SOD2: variants seen among roughly 807,000 people sequenced by gnomAD.
SOD2 encodes the protein superoxide dismutase 2, also known as superoxide dismutase [Mn], mitochondrial.
Under a neutral mutation model 27.0 loss-of-function variants are expected in SOD2, and 11 were observed. The observed-to-expected ratio is 0.41, with a 90% CI of 0.26 to 0.67. SOD2 has a LOEUF of 0.67. SOD2 is among the 30% of genes least tolerant of loss of function. The probability of loss-of-function intolerance (pLI) is 0.34; values close to 1 mark genes in which losing one functional copy is unlikely to be tolerated. For synonymous variants in SOD2, 105 were observed against 103.0 expected, an observed-to-expected ratio of 1.02 and a Z score of -0.12; for missense variants, 250 against 274.5, an observed-to-expected ratio of 0.91 and a Z score of 0.63.
chr6:159,742,918 A>C (rs1779350641), intron 1 of SOD2, among the ~76,000 whole-genome samples: 1 of 152,068 alleles, frequency 6.6e-6, no homozygotes, highest in Admixed American at 6.6e-5. Context: ...CAGGAGGATC[A>C]CTAGAGCCCG....
At chr6:159,701,437 A>G (rs369123682) in intron 1 of SOD2, among the ~76,000 whole-genome samples, 44 of 152,110 alleles carry the variant, frequency 2.9e-4, no homozygotes, top group African/African-American at 8.0e-4. Context: ...TGGGCGTGAT[A>G]GCACATGCCT....
intron 3 of SOD2, among the ~76,000 whole-genome samples, chr6:159,687,252 A>C (rs1028091006): frequency 5.3e-5 from 8 of 152,172 alleles, no homozygotes; most frequent in Non-Finnish European, 1.2e-4. Flanking sequence ...TGGGAGGCCA[A>C]GGTGGGTGGA....
chr6:159,732,635 G>C (rs527353223), intron 1 of SOD2, among the ~76,000 whole-genome samples: 1 of 152,276 alleles, frequency 6.6e-6, no homozygotes, highest in East Asian at 1.9e-4. Flanking sequence ...AGGAGTTCGA[G>C]ACCAGCCTGG....
chr6:159,762,197 A>G, exon 1 of SOD2: 1 of 1,568,778 alleles, frequency 6.4e-7, no homozygotes, highest in Admixed American at 1.8e-5. Flanking sequence ...CTTCGGCAGG[A>G]GCGCCGAGGG....
At chr6:159,749,320 A>G (rs1779737811), upstream of SOD2, 4 of 985,874 alleles carry the variant, frequency 4.1e-6, no homozygotes, top group Non-Finnish European at 4.8e-6. Context: ...CACATGTTTA[A>G]AAGAGCTTTG....
Position 159,713,996 on chromosome 6 carries a change from G to A in SOD2, c.-116+13133C>T, listed in dbSNP as rs577972039. On this transcript the variant is annotated intron_variant, in intron 1 of 2. Coordinates refer to the SOD2 transcript ENST00000401980. ...TTCCGTGCTCAGCATCGTGGCGACTGTTGAGCTCTTGGTGGCAAGTTTGGC... is the reference window on the plus strand; with the variant it reads ...TTCCGTGCTCAGCATCGTGGCGACTATTGAGCTCTTGGTGGCAAGTTTGGC... 19 of 774,262 alleles carry A rather than the reference G, an allele frequency of 2.5e-5. No individual in the cohort carries two copies. The South Asian group carries it at 2.8e-4, about 11-fold the overall frequency. The allele number at this position is 774,262 out of a possible 1,614,324, so 48.0% of individuals were successfully genotyped here. A position where few individuals can be genotyped will look rare whatever the true frequency, so the allele number is the denominator to read the frequency against.
chr6:159,680,689 A>C lies in SOD2; in HGVS notation c.*1804T>G, dbSNP rs1366281198. 1 of 152,180 alleles carries C rather than the reference A, an allele frequency of 6.6e-6. No homozygotes were observed. The highest frequency in any genetic ancestry group is 1.5e-5 in the Non-Finnish European group (1 of 68,052). The allele number at this position is 152,180 out of a possible 1,614,324, so 9.4% of individuals were successfully genotyped here. A position where few individuals can be genotyped will look rare whatever the true frequency, so the allele number is the denominator to read the frequency against. On this transcript the variant is annotated 3_prime_UTR_variant, in exon 5 of 5. Transcript: ENST00000538183. ...AGTGGCTCACACCTGTAATCCCAGC[A>C]CTTTGGGAGGCTGAGCCAGACGGAT...
intron 1 of SOD2, among the ~76,000 whole-genome samples, chr6:159,744,095 G>T (rs866768284): frequency 5.9e-5 from 9 of 152,072 alleles, no homozygotes; most frequent in South Asian, 2.1e-4. Context: ...ATCAATAAAA[G>T]AACATTTGCT....
At position 159,712,067 on chromosome 6, in the gene SOD2, CGG is replaced by C. The variant is rs1562438086; in HGVS notation, c.-116+15060_-116+15061del. Reference sequence around the variant, plus strand: ...CATAACCACCTCCATAACCACCACTCGGCTGCTCAGACCTCCATAACCACCTC... The same window carrying C: ...CATAACCACCTCCATAACCACCACTCCTGCTCAGACCTCCATAACCACCTC... On this transcript the variant is annotated intron_variant, in intron 1 of 2. Transcript: ENST00000401980. Among the ~76,000 whole-genome samples, 254 of 25,582 alleles carry C rather than the reference CGG, an allele frequency of 9.9e-3. 19 individuals are homozygous for C. Among genetic ancestry groups the C allele is most frequent in the Middle Eastern group, 0.031 (1 of 32 alleles). 16.8% of individuals were successfully genotyped at this position (25,582 alleles called of 152,430 possible). A position where few individuals can be genotyped will look rare whatever the true frequency, so the allele number is the denominator to read the frequency against.
chr6:159,743,645 AT>A (rs575642633), intron 1 of SOD2: 778 of 1,549,022 alleles, frequency 5.0e-4, no homozygotes, highest in South Asian at 1.3e-3. Context: ...TGTATTTATA[AT>A]TTTTTTTTGA....
chr6:159,759,559 A>G (rs1166033980), intron 1 of SOD2, among the ~76,000 whole-genome samples: 4 of 151,494 alleles, frequency 2.6e-5, no homozygotes, highest in Non-Finnish European at 5.9e-5. Context: ...AATCCCAGCT[A>G]CTCAGGACTC....
rs1779828435 is a variant in SOD2, at chr6:159,678,570, A to AT, written c.*3922_*3923insA. ...AATGAAATATCCTTTACAATAAATT[A>AT]GTATTGTAACCAATATGTAGTTTTA... On this transcript the variant is annotated 3_prime_UTR_variant, in exon 5 of 5. Transcript: ENST00000538183. 1.3e-5 allele frequency: 2 copies of AT among 152,244 alleles called. No individual in the cohort carries two copies. Among genetic ancestry groups the AT allele is most frequent in the Non-Finnish European group, 2.9e-5 (2 of 68,044 alleles). The allele number at this position is 152,244 out of a possible 1,614,324, so 9.4% of individuals were successfully genotyped here.
chr6:159,710,311 G>A (rs1415998155), intron 1 of SOD2, among the ~76,000 whole-genome samples: 3 of 148,322 alleles, frequency 2.0e-5, no homozygotes, highest in Admixed American at 1.3e-4. Flanking sequence ...TTAGCTGGGC[G>A]TGGTGGCACG....
At chr6:159,742,735 G>A (rs1199860199) in intron 1 of SOD2, among the ~76,000 whole-genome samples, 2 of 152,108 alleles carry the variant, frequency 1.3e-5, no homozygotes, top group Non-Finnish European at 2.9e-5. Flanking sequence ...TTGCGTGACT[G>A]TGTTACCCAT....
At chr6:159,713,158 C>T in intron 1 of SOD2, 1 of 1,249,962 alleles carries the variant, frequency 8.0e-7, no homozygotes, top group Admixed American at 2.4e-5. Flanking sequence ...GGAAACTGGA[C>T]CCACTATCTC....
At chr6:159,707,892 C>T (rs888603597) in intron 1 of SOD2, among the ~76,000 whole-genome samples, 3 of 152,122 alleles carry the variant, frequency 2.0e-5, no homozygotes, top group Admixed American at 2.0e-4. Flanking sequence ...AAACTGAATC[C>T]AGCAGCACAT....
chr6:159,684,863 C>T lies in SOD2; in HGVS notation c.514G>A (p.Gly172Arg), dbSNP rs1437455939. ...AACPNQDPLQGTTGLIPLLGI... is the reference protein window; with the variant it reads ...AACPNQDPLQRTTGLIPLLGI... ...AATTTTTAAATCTAACCTGTTGTTC[C>T]TTGCAGTGGATCCTGATTTGGACAA... Residue 172 changes from glycine to arginine, a missense_variant, in exon 4 of 5, where the codon GGA becomes AGA. Transcript: ENST00000538183. 6.2e-7 allele frequency: 1 copy of T among 1,611,258 alleles called. No homozygotes were observed. The highest frequency in any genetic ancestry group is 2.2e-5 in the East Asian group (1 of 44,774).
At chr6:159,702,790 C>T (rs919576806) in intron 1 of SOD2, among the ~76,000 whole-genome samples, 23 of 128,418 alleles carry the variant, frequency 1.8e-4, no homozygotes, top group African/African-American at 6.9e-4. Flanking sequence ...GCAGAGGATG[C>T]AGTATGTTGT....
At chr6:159,743,939 T>A (rs568259628) in intron 1 of SOD2, 1 of 921,946 alleles carries the variant, frequency 1.1e-6, no homozygotes, top group Non-Finnish European at 1.4e-6. Context: ...GAATACTAGA[T>A]GAAAAATTTT....
Sources: gnomAD v4.1 joint callset for allele counts (sites outside exome capture counted in the v4.1 genomes callset) on GRCh38, gnomAD v4.1.1 for gene constraint, MANE v1.5 for transcripts, NCBI Gene and HGNC (gene_info 2026-07-23, HGNC 2026-07-21) for gene names.